Variants in STK32B observed in about 807,000 individuals in gnomAD.
STK32B encodes serine/threonine-protein kinase 32B.
STK32B carries 43 observed loss-of-function variants against 52.6 expected under a neutral mutation model. The observed-to-expected ratio is 0.82, with a 90% CI of 0.64 to 1.05. The LOEUF is 1.05. Among genes scored for constraint, STK32B ranks in the 50% least tolerant of loss-of-function variants. The pLI, the probability that STK32B is intolerant of heterozygous loss-of-function variation, is 0.00. For missense variants in STK32B, 621 were observed against 534.6 expected (o/e 1.16, Z -1.59); for synonymous variants, 238 against 204.3 (o/e 1.17, Z -1.41).
At chr4:5,292,075 G>C (rs1728926665) in intron 3 of STK32B, among the ~76,000 whole-genome samples, 1 of 152,052 alleles carries the variant, frequency 6.6e-6, no homozygotes, top group Non-Finnish European at 1.5e-5. Context: ...CCATGTCTTT[G>C]TTATTGTGAA....
chr4:5,181,329 GACACACACACACACACACAC>G (rs751590603), intron 3 of STK32B, among the ~76,000 whole-genome samples: 21 of 138,122 alleles, frequency 1.5e-4, no homozygotes, highest in African/African-American at 5.6e-4. Context: ...TGGAGAGTGA[GACACACACACACACACACAC>G]ACACACACAC....
At chr4:5,139,036 T>A (rs1716244697) in intron 1 of STK32B, among the ~76,000 whole-genome samples, 1 of 151,746 alleles carries the variant, frequency 6.6e-6, no homozygotes, top group Non-Finnish European at 1.5e-5. Flanking sequence ...TTTTCCTGAG[T>A]GGAAGAGTCA....
intron 11 of STK32B, among the ~76,000 whole-genome samples, chr4:5,480,173 T>C (rs1389085815): frequency 6.6e-6 from 1 of 152,186 alleles, no homozygotes; most frequent in African/African-American, 2.4e-5. Context: ...AAGTATTGTG[T>C]CAGACATTAT....
rs193117708 is a variant in STK32B at position 5,098,892 on chromosome 4, G to A, written c.53-41013G>A. 7.7e-3 allele frequency among the ~76,000 whole-genome samples: 1,177 copies of A among 152,310 alleles called. 12 individuals carry two copies. Among genetic ancestry groups the A allele is most frequent in the Non-Finnish European group, 0.012 (834 of 68,028 alleles). ...TTCAGCATCTATTGGAATATGTTGA[G>A]CACTACTGTATGGAAAGAGGGAATA... On this transcript the variant is annotated intron_variant, in intron 1 of 11. Transcript: ENST00000282908.
At chr4:5,478,752 G>A (rs1428482078) in intron 11 of STK32B, among the ~76,000 whole-genome samples, 1 of 152,124 alleles carries the variant, frequency 6.6e-6, no homozygotes. Context: ...GTTACTCCCC[G>A]GAGGCTGGAG....
chr4:5,287,375 C>T (rs937159099), intron 3 of STK32B, among the ~76,000 whole-genome samples: 1 of 150,548 alleles, frequency 6.6e-6, no homozygotes, highest in African/African-American at 2.4e-5. Flanking sequence ...GGCTGAACAC[C>T]TCTTTATATA....
chr4:5,242,754 A>G (rs1725127431), intron 3 of STK32B, among the ~76,000 whole-genome samples: 1 of 152,160 alleles, frequency 6.6e-6, no homozygotes, highest in South Asian at 2.1e-4. Context: ...TAATTTTTGT[A>G]TAAGGTGTAA....
At chr4:5,135,760 G>T (rs1040868086) in intron 1 of STK32B, among the ~76,000 whole-genome samples, 1 of 152,158 alleles carries the variant, frequency 6.6e-6, no homozygotes, top group Non-Finnish European at 1.5e-5. Context: ...AAGTGGTAGA[G>T]TGGAAGGGCT....
chr4:5,039,316 C>T, the STK32B span, among the ~76,000 whole-genome samples: 1 of 152,132 alleles, frequency 6.6e-6, no homozygotes, highest in African/African-American at 2.4e-5. Flanking sequence ...GTCTTTATAA[C>T]CTGAATCTAT....
chr4:5,312,739 A>G (rs1274170238), intron 3 of STK32B, among the ~76,000 whole-genome samples: 1 of 151,982 alleles, frequency 6.6e-6, no homozygotes, highest in Non-Finnish European at 1.5e-5. Flanking sequence ...TAGTGCCACA[A>G]TAAACATACG....
rs371266623 is a variant in STK32B at position 5,435,823 on chromosome 4, G to A, written c.563-10850G>A. The A allele has an allele frequency of 6.6e-5, 10 of 152,522 alleles. 2 individuals carry two copies. The highest frequency in any genetic ancestry group is 6.5e-5 in the Admixed American group (1 of 15,300). The allele number at this position is 152,522 out of a possible 1,614,324, so 9.4% of individuals were successfully genotyped here. On this transcript the variant is annotated intron_variant, in intron 6 of 11. Transcript: ENST00000282908. The stretch of plus-strand genomic sequence containing the variant: ...AGGAGATGAAGAGCATGGGGGAAAT[G>A]AGGAAGCCCCTGTCTAGCCTGGGCA...
chr4:5,335,455 T>G (rs1187009664), intron 4 of STK32B, among the ~76,000 whole-genome samples: 6 of 152,148 alleles, frequency 3.9e-5, no homozygotes, highest in East Asian at 1.9e-4. Context: ...ATTTTTTCAA[T>G]GGTTTTTTAT....
chr4:5,135,705 G>C (rs953550476), intron 1 of STK32B, among the ~76,000 whole-genome samples: 1 of 152,156 alleles, frequency 6.6e-6, no homozygotes, highest in Non-Finnish European at 1.5e-5. Flanking sequence ...GTCACAAGAT[G>C]GTTGTTGCAG....
Position 5,470,359 on chromosome 4 carries a change from G to A in STK32B, c.1106+2289G>A, listed in dbSNP as rs544972167. The stretch of plus-strand genomic sequence containing the variant: ...GGAAGTGAGGCTGGCATAGTTTACC[G>A]GAGTCAGCAAAATAAAGAAAGAGGG... On this transcript the variant is annotated intron_variant, in intron 11 of 11. Coordinates refer to ENST00000282908, the MANE Select transcript of STK32B (RefSeq NM_018401.3). This position sits in a 1 kb window ranked among gnomAD's most constrained non-coding sequence, Gnocchi z 4.6. Among the ~76,000 whole-genome samples, 63 of 152,226 alleles carry A rather than the reference G, an allele frequency of 4.1e-4. No homozygotes were observed. Among genetic ancestry groups the A allele is most frequent in the Non-Finnish European group, 6.6e-4 (45 of 68,018 alleles).
At chr4:5,285,059 A>G (rs1288445313) in intron 3 of STK32B, among the ~76,000 whole-genome samples, 14 of 152,240 alleles carry the variant, frequency 9.2e-5, no homozygotes, top group Non-Finnish European at 1.5e-4. Context: ...AATATAAAGT[A>G]CAGTATTGTA....
intron 1 of STK32B, among the ~76,000 whole-genome samples, chr4:5,090,799 C>T (rs1407747733): frequency 6.6e-6 from 1 of 152,040 alleles, no homozygotes; most frequent in Non-Finnish European, 1.5e-5. Context: ...TGTTTTTGTC[C>T]AGTTTGTGGA....
intron 3 of STK32B, among the ~76,000 whole-genome samples, chr4:5,195,421 A>C (rs886851680): frequency 6.6e-6 from 1 of 152,206 alleles, no homozygotes; most frequent in Non-Finnish European, 1.5e-5. Flanking sequence ...GGCCGGGTGC[A>C]GTGGCTCATG....
intron 3 of STK32B, among the ~76,000 whole-genome samples, chr4:5,256,597 C>G (rs59470074): frequency 6.6e-6 from 1 of 152,092 alleles, no homozygotes; most frequent in Non-Finnish European, 1.5e-5. Flanking sequence ...CCAGCTGCCC[C>G]GTCTGTCTAA....
Position 5,099,534 on chromosome 4 carries a change from A to T in STK32B, c.53-40371A>T, listed in dbSNP as rs184163885. Among the ~76,000 whole-genome samples the T allele has an allele frequency of 3.3e-3, 506 of 152,090 alleles. 3 individuals are homozygous for T. Among genetic ancestry groups the T allele is most frequent in the Non-Finnish European group, 6.1e-3 (412 of 67,996 alleles). ...GTGGTGTGGCAGGGTTATGCCCAGGAGTTAGGGGAAGGTCATGGAAGAAGA... is the reference window on the plus strand; with the variant it reads ...GTGGTGTGGCAGGGTTATGCCCAGGTGTTAGGGGAAGGTCATGGAAGAAGA... On this transcript the variant is annotated intron_variant, in intron 1 of 11. Transcript: ENST00000282908.
Sources: gnomAD v4.1 joint callset for allele counts (sites outside exome capture counted in the v4.1 genomes callset) on GRCh38, gnomAD v4.1.1 for gene constraint, Gnocchi (gnomAD v3.1) non-coding constraint, MANE v1.5 for transcripts, NCBI Gene and HGNC (gene_info 2026-07-23, HGNC 2026-07-21) for gene names.